Variants in PEBP4 observed in about 807,000 individuals in gnomAD.
The protein encoded by PEBP4 is phosphatidylethanolamine-binding protein 4.
Under a neutral mutation model 23.9 loss-of-function variants are expected in PEBP4, and 22 were observed. That is an observed-to-expected ratio of 0.92 (90% CI 0.66 to 1.31). The LOEUF is 1.31. PEBP4 is among the 40% of genes most tolerant of loss of function. The pLI is 0.00. For synonymous variants in PEBP4, 112 were observed against 99.3 expected (o/e 1.13, Z -0.76); for missense variants, 324 against 281.7 (o/e 1.15, Z -1.07).
At chr8:22,720,299 C>T (rs559520010) in intron 6 of PEBP4, among the ~76,000 whole-genome samples, 21 of 152,168 alleles carry the variant, frequency 1.4e-4, no homozygotes, top group Non-Finnish European at 2.4e-4. Context: ...CCTGGCTCAG[C>T]GGATCAGCCT....
chr8:22,896,092 C>T (rs1490308521), intron 3 of PEBP4: 3 of 152,212 alleles, frequency 2.0e-5, no homozygotes, highest in Non-Finnish European at 4.4e-5. Context: ...AATCCCACAT[C>T]CTTGCATCAA....
chr8:22,781,408 G>A (rs1805912768), intron 4 of PEBP4, among the ~76,000 whole-genome samples: 1 of 152,206 alleles, frequency 6.6e-6, no homozygotes, highest in Non-Finnish European at 1.5e-5. Context: ...ACTTCCTCAG[G>A]GATCGCTTTA....
chr8:22,933,022 G>A (rs1041404629), intron 1 of PEBP4, among the ~76,000 whole-genome samples: 12 of 137,942 alleles, frequency 8.7e-5, no homozygotes, highest in Non-Finnish European at 1.7e-4. Flanking sequence ...AAAAAAAAAG[G>A]TTGGAAATTT....
intron 3 of PEBP4, among the ~76,000 whole-genome samples, chr8:22,838,129 G>A (rs915612574): frequency 6.6e-6 from 1 of 151,794 alleles, no homozygotes; most frequent in Non-Finnish European, 1.5e-5. Flanking sequence ...TGAAACTCTT[G>A]GGCTCCAGCG....
intron 3 of PEBP4, among the ~76,000 whole-genome samples, chr8:22,844,973 G>A (rs1440341272): frequency 6.6e-6 from 1 of 152,188 alleles, no homozygotes; most frequent in Non-Finnish European, 1.5e-5. Flanking sequence ...GAGAAATCAG[G>A]GTCATGGCAA....
At chr8:22,789,403 G>T (rs1342709274) in intron 4 of PEBP4, among the ~76,000 whole-genome samples, 1 of 152,078 alleles carries the variant, frequency 6.6e-6, no homozygotes, top group Non-Finnish European at 1.5e-5. Flanking sequence ...CAGAGATGGG[G>T]GTGGGTGCCA....
At chr8:22,813,686 G>A (rs915989014) in intron 4 of PEBP4, among the ~76,000 whole-genome samples, 10 of 152,192 alleles carry the variant, frequency 6.6e-5, no homozygotes, top group South Asian at 2.1e-4. Context: ...CACTGCAGTC[G>A]GGGAGAAAGA....
At chr8:22,909,491 G>A (rs1448842437) in intron 3 of PEBP4, among the ~76,000 whole-genome samples, 1 of 152,166 alleles carries the variant, frequency 6.6e-6, no homozygotes, top group Non-Finnish European at 1.5e-5. Flanking sequence ...GATACTGCCA[G>A]GCCACCATTA....
intron 3 of PEBP4, among the ~76,000 whole-genome samples, chr8:22,906,042 A>C (rs1043548452): frequency 6.6e-6 from 1 of 152,148 alleles, no homozygotes; most frequent in African/African-American, 2.4e-5. Context: ...CTGACATTGC[A>C]TATCCCCAAA....
At chr8:22,890,414 C>T (rs1419240499) in intron 3 of PEBP4, among the ~76,000 whole-genome samples, 1 of 152,232 alleles carries the variant, frequency 6.6e-6, no homozygotes, top group South Asian at 2.1e-4. Flanking sequence ...CAATAAGCAA[C>T]CTCAAGTCAT....
At chr8:22,716,604 C>A (rs1338622337) in intron 6 of PEBP4, among the ~76,000 whole-genome samples, 2 of 152,248 alleles carry the variant, frequency 1.3e-5, no homozygotes, top group African/African-American at 4.8e-5. Context: ...CCACCCCAAG[C>A]TTCCCAAATC....
intron 5 of PEBP4, among the ~76,000 whole-genome samples, chr8:22,726,523 C>T (rs1450031537): frequency 6.6e-6 from 1 of 152,240 alleles, no homozygotes; most frequent in East Asian, 1.9e-4. Context: ...TTCAAAACCT[C>T]CAAAGGCAGA....
chr8:22,847,801 C>T (rs185189139), intron 3 of PEBP4, among the ~76,000 whole-genome samples: 1 of 152,072 alleles, frequency 6.6e-6, no homozygotes, highest in Non-Finnish European at 1.5e-5. Context: ...CTTGAGCAAC[C>T]CTGCTCAACC....
intron 4 of PEBP4, among the ~76,000 whole-genome samples, chr8:22,792,732 G>C (rs370848214): frequency 1.3e-5 from 2 of 152,216 alleles, no homozygotes; most frequent in East Asian, 3.9e-4. Flanking sequence ...GCCCATGGGA[G>C]CTGTTGGCCC....
chr8:22,793,234 T>C (rs1806176297), intron 4 of PEBP4, among the ~76,000 whole-genome samples: 1 of 152,270 alleles, frequency 6.6e-6, no homozygotes, highest in South Asian at 2.1e-4. Context: ...CATATCCTTA[T>C]ATATTCACCT....
chr8:22,891,990 G>A (rs556747389), intron 3 of PEBP4, among the ~76,000 whole-genome samples: 13 of 152,060 alleles, frequency 8.5e-5, no homozygotes, highest in African/African-American at 2.2e-4. Flanking sequence ...GGAGAATGGC[G>A]TCAACCCGGG....
chr8:22,900,880 C>T (rs1808697394), intron 3 of PEBP4, among the ~76,000 whole-genome samples: 1 of 152,128 alleles, frequency 6.6e-6, no homozygotes, highest in Non-Finnish European at 1.5e-5. Flanking sequence ...AGCCTATTTA[C>T]TCTTAGTTTA....
At chr8:22,937,751 G>A (rs1275339351) in intron 1 of PEBP4, among the ~76,000 whole-genome samples, 1 of 151,930 alleles carries the variant, frequency 6.6e-6, no homozygotes, top group East Asian at 1.9e-4. Context: ...CAACGGAATA[G>A]ACTAGAGAGC....
At chr8:22,892,029 C>T (rs1307255008) in intron 3 of PEBP4, among the ~76,000 whole-genome samples, 3 of 151,358 alleles carry the variant, frequency 2.0e-5, no homozygotes, top group Non-Finnish European at 2.9e-5. Flanking sequence ...GCCGAGATCG[C>T]GCCACTGCAG....
Sources: allele counts gnomAD v4.1 joint callset (sites outside exome capture counted in the v4.1 genomes callset), GRCh38; gene constraint gnomAD v4.1.1; transcripts MANE v1.5; gene names NCBI Gene and HGNC (gene_info 2026-07-23, HGNC 2026-07-21).